Variants in CDH23 observed in about 807,000 individuals in gnomAD.
The protein encoded by CDH23 is cadherin-23.
CDH23 carries 189 observed loss-of-function variants against 317.1 expected under a neutral mutation model. The ratio of observed to expected loss-of-function variants is 0.60; its 90% CI spans 0.53 to 0.67. The LOEUF is 0.67. Among genes scored for constraint, CDH23 ranks in the 30% least tolerant of loss-of-function variants. The pLI is 0.00. For missense variants in CDH23, 4,401 were observed against 4,592.4 expected (o/e 0.96, Z 1.20); for synonymous variants, 1,839 against 1,876.8 (o/e 0.98, Z 0.52).
At chr10:71,529,108 A>G (rs558126388) in intron 6 of CDH23, among the ~76,000 whole-genome samples, 62 of 152,260 alleles carry the variant, frequency 4.1e-4, no homozygotes, top group African/African-American at 1.5e-3. Context: ...CACACATGTG[A>G]GTCAGCTGAG....
chr10:71,752,965 T>C (rs1840043181), intron 38 of CDH23: 3 of 1,612,578 alleles, frequency 1.9e-6, no homozygotes, highest in Non-Finnish European at 1.7e-6. Flanking sequence ...AAGGTCTCCA[T>C]GGGCCTTACC....
chr10:71,575,507 G>A (rs1331006891), intron 8 of CDH23, among the ~76,000 whole-genome samples: 1 of 152,154 alleles, frequency 6.6e-6, no homozygotes, highest in Non-Finnish European at 1.5e-5. Flanking sequence ...TAACCACCTT[G>A]TGGTGCTTTT....
chr10:71,739,703 T>G lies in CDH23; in HGVS notation c.4419T>G (p.Asn1473Lys), dbSNP rs1385132970. 2 of 1,613,554 alleles carry G rather than the reference T, an allele frequency of 1.2e-6. No homozygotes were observed. The highest frequency in any genetic ancestry group is 1.7e-6 in the Non-Finnish European group (2 of 1,179,734). The part of the protein sequence containing the change: ...IAGAFEIVTT[N>K]DSIGEVFVAR... The stretch of plus-strand genomic sequence containing the variant: ...GGGCCTTTGAGATCGTCACCACCAA[T>G]GACTCCATTGGCGAAGTGTTTGTGG... Residue 1473 changes from asparagine (N) to lysine (K), a missense_variant, in exon 36 of 70, where the codon AAT (asparagine) becomes AAG (lysine). By Grantham distance (94) the Asn-to-Lys change is moderately conservative (BLOSUM62 0). Coordinates refer to ENST00000224721, the MANE Select transcript of CDH23 (RefSeq NM_022124.6).
chr10:71,523,695 G>A (rs1854841736), intron 6 of CDH23, among the ~76,000 whole-genome samples: 1 of 152,218 alleles, frequency 6.6e-6, no homozygotes, highest in Non-Finnish European at 1.5e-5. Context: ...GGGGCAGGAG[G>A]AGGGTAGAGA....
rs373489949 is a variant in CDH23 at position 71,706,879 on chromosome 10, G to A, written c.2954-18G>A. The A allele has an allele frequency of 2.3e-5, 36 of 1,580,034 alleles. No homozygotes were observed. The highest frequency in any genetic ancestry group is 1.3e-4 in the African/African-American group (10 of 74,232). Reference sequence around the variant, plus strand: ...GGCAGAAGCCAGGCCTAGCCCCGGCGCCCGTTCTGCCCCGCAGTGCTGGAT... The same window carrying A: ...GGCAGAAGCCAGGCCTAGCCCCGGCACCCGTTCTGCCCCGCAGTGCTGGAT... On this transcript the variant is annotated intron_variant, in intron 25 of 69. Transcript: ENST00000224721.
At chr10:71,496,434 A>C (rs1852972453) in intron 3 of CDH23, among the ~76,000 whole-genome samples, 1 of 152,152 alleles carries the variant, frequency 6.6e-6, no homozygotes, top group Non-Finnish European at 1.5e-5. Context: ...CACATGGAGA[A>C]CTGGAAGAGG....
rs747452182 is a variant in CDH23, at chr10:71,645,978, G to A, written c.1288G>A (p.Asp430Asn). ...DYETVDRYDF[D>N]LFANESVPDH... The stretch of plus-strand genomic sequence containing the variant: ...CGAGACCGTGGACCGCTACGACTTT[G>A]ATGTAAGGCCCCACTCACTGGCATT... Residue 430 changes from aspartate (D) to asparagine (N), a missense_variant and splice_region_variant, in exon 13 of 70, where the codon GAT becomes AAT. Coordinates refer to ENST00000224721, the MANE Select transcript of CDH23 (RefSeq NM_022124.6). The A allele has an allele frequency of 1.9e-6, 3 of 1,611,106 alleles. No homozygotes were observed. In the African/African-American group the frequency reaches 4.0e-5, roughly 22 times the overall value.
rs1180754367 is a variant in CDH23, at chr10:71,677,653, G to A, written c.1712G>A (p.Arg571Gln). 3.2e-6 allele frequency: 5 copies of A among 1,578,156 alleles called. No homozygotes were observed. The highest frequency in any genetic ancestry group is 2.3e-5 in the East Asian group (1 of 42,762). The change falls in exon 16 of 70, where the codon CGG becomes CAG. Residue 571 changes from arginine (R) to glutamine (Q), a missense_variant. Physicochemically the swap from Arg to Gln is conservative, Grantham distance 43. Around this residue, in one of 3 missense-constraint regions of CDH23, gnomAD observed 3,068 missense variants for 3,203.3 expected, o/e 0.96. Coordinates refer to ENST00000224721, the MANE Select transcript of CDH23 (RefSeq NM_022124.6). Reference protein sequence around the residue: ...FQKDAYVGALRENEPSVTQLV... With the variant: ...FQKDAYVGALQENEPSVTQLV... ...AAGGATGCCTACGTGGGTGCTCTGC[G>A]GGAGAACGAGCCTTCTGTCACACAG...
chr10:71,491,818 T>G (rs77289727), intron 3 of CDH23, among the ~76,000 whole-genome samples: 1,620 of 152,300 alleles, frequency 0.011, 21 homozygotes, highest in African/African-American at 0.032. Context: ...GCCTGCCTCT[T>G]TGAGCAATTG....
chr10:71,665,241 GCAAGAACCGTCAGCTC>G (rs1390171429), intron 14 of CDH23, among the ~76,000 whole-genome samples: 3 of 152,216 alleles, frequency 2.0e-5, no homozygotes, highest in African/African-American at 7.2e-5. Flanking sequence ...CTATCCGCTG[GCAAGAACCGTCAGCTC>G]CAGATTCCAA....
At chr10:71,800,233 C>T (rs1337265167) in intron 52 of CDH23, among the ~76,000 whole-genome samples, 1 of 152,220 alleles carries the variant, frequency 6.6e-6, no homozygotes, top group African/African-American at 2.4e-5. Flanking sequence ...TCCCCAGTTG[C>T]TGGGGCTGGA....
At chr10:71,574,232 A>G (rs1036893261) in intron 8 of CDH23, among the ~76,000 whole-genome samples, 1 of 151,760 alleles carries the variant, frequency 6.6e-6, no homozygotes, top group African/African-American at 2.4e-5. Flanking sequence ...CTATCAGCGT[A>G]TCAGGTTAGC....
chr10:71,794,184 T>A (rs1841342570), intron 48 of CDH23, among the ~76,000 whole-genome samples: 1 of 152,154 alleles, frequency 6.6e-6, no homozygotes, highest in South Asian at 2.1e-4. Context: ...GTATTTTTAG[T>A]AGAGACATGG....
chr10:71,552,293 T>C (rs1290053238), intron 6 of CDH23, among the ~76,000 whole-genome samples: 1 of 152,124 alleles, frequency 6.6e-6, no homozygotes, highest in Non-Finnish European at 1.5e-5. Context: ...TTCCAGCTAG[T>C]GATCCACATG....
In CDH23 at chr10:71,760,291, G is replaced by GTA. The variant is rs1419993435; in HGVS notation, c.4846-17381_4846-17380dup. 5.0e-5 allele frequency among the ~76,000 whole-genome samples: 5 copies of GTA among 100,360 alleles called. No individual in the cohort carries two copies. In the East Asian group the frequency reaches 9.5e-4, roughly 19 times the overall value. The allele number at this position is 100,360 out of a possible 152,430, so 65.8% of individuals were successfully genotyped here. A position where few individuals can be genotyped will look rare whatever the true frequency, so the allele number is the denominator to read the frequency against. On this transcript the variant is annotated intron_variant, in intron 38 of 69. Coordinates refer to ENST00000224721, the MANE Select transcript of CDH23 (RefSeq NM_022124.6). The stretch of plus-strand genomic sequence containing the variant: ...TACATATATATGTATGTATATATGT[G>GTA]TATATATATGTATATACACACACAT...
At chr10:71,559,331 G>T (rs1002017336) in intron 6 of CDH23, among the ~76,000 whole-genome samples, 1 of 152,224 alleles carries the variant, frequency 6.6e-6, no homozygotes, top group Non-Finnish European at 1.5e-5. Context: ...TTAAATGGAT[G>T]TGTTCAATCT....
chr10:71,521,684 C>T (rs922528609), intron 6 of CDH23, among the ~76,000 whole-genome samples: 1 of 152,226 alleles, frequency 6.6e-6, no homozygotes, highest in Non-Finnish European at 1.5e-5. Context: ...TACAGATAAG[C>T]AAGCCAAGTG....
At chr10:71,603,585 G>T (rs945813210) in intron 9 of CDH23, among the ~76,000 whole-genome samples, 1 of 152,200 alleles carries the variant, frequency 6.6e-6, no homozygotes, top group African/African-American at 2.4e-5. Flanking sequence ...CCCAGGCCCC[G>T]GAGGTAACCG....
At chr10:71,539,403 G>C (rs987525149) in intron 6 of CDH23, among the ~76,000 whole-genome samples, 7 of 152,248 alleles carry the variant, frequency 4.6e-5, no homozygotes, top group African/African-American at 1.7e-4. Context: ...AGAGGTGTCA[G>C]CTTAGTGTGC....
Sources: gnomAD v4.1 joint callset for allele counts (sites outside exome capture counted in the v4.1 genomes callset) on GRCh38, gnomAD v4.1.1 for gene constraint, gnomAD v4.1.1 regional missense constraint, MANE v1.5 for transcripts, NCBI Gene and HGNC (gene_info 2026-07-23, HGNC 2026-07-21) for gene names.